Variants in C1QTNF3 observed in about 807,000 individuals in gnomAD.
The protein encoded by C1QTNF3 is complement C1q tumor necrosis factor-related protein 3.
Under a neutral mutation model 32.6 loss-of-function variants are expected in C1QTNF3, and 26 were observed. The ratio of observed to expected loss-of-function variants is 0.80; its 90% confidence interval spans 0.58 to 1.11. C1QTNF3 has a LOEUF of 1.11. Among genes scored for constraint, C1QTNF3 ranks in the 50% least tolerant of loss-of-function variants. The probability of loss-of-function intolerance (pLI) is 0.00; values close to 1 mark genes in which losing one functional copy is unlikely to be tolerated. For missense variants in C1QTNF3, 362 were observed against 398.2 expected, an observed-to-expected ratio of 0.91 and a Z score of 0.77; for synonymous variants, 155 against 146.0, an observed-to-expected ratio of 1.06 and a Z score of -0.44.
chr5:34,063,785 AT>A, the C1QTNF3 span, among the ~76,000 whole-genome samples: 1 of 152,156 alleles, frequency 6.6e-6, no homozygotes. Context: ...GCTAGAGGAA[AT>A]GAAAATCTGA....
At chr5:34,044,515 C>T (rs1754951141), upstream of C1QTNF3, among the ~76,000 whole-genome samples, 1 of 152,090 alleles carries the variant, frequency 6.6e-6, no homozygotes, top group South Asian at 2.1e-4. Flanking sequence ...GAGCTGTTGA[C>T]AGCTGCCCCC....
chr5:34,177,901 G>A, the C1QTNF3 span, among the ~76,000 whole-genome samples: 2 of 152,008 alleles, frequency 1.3e-5, no homozygotes, highest in Non-Finnish European at 2.9e-5. Flanking sequence ...AGCATTCCAG[G>A]TGTGAGCCAC....
the C1QTNF3 span, among the ~76,000 whole-genome samples, chr5:34,141,544 T>C: frequency 4.2e-3 from 647 of 152,330 alleles, 5 homozygotes; most frequent in African/African-American, 0.015. Context: ...CTATCTCTTA[T>C]CTTTTTTGAT....
chr5:34,051,746 G>C, the C1QTNF3 span, among the ~76,000 whole-genome samples: 40 of 152,232 alleles, frequency 2.6e-4, no homozygotes, highest in Non-Finnish European at 4.7e-4. Context: ...CCACGTCCTA[G>C]ACATTTTTCC....
the C1QTNF3 span, chr5:34,166,418 AAAAAAAC>A: frequency 3.9e-5 from 6 of 152,276 alleles, no homozygotes; most frequent in African/African-American, 1.4e-4. Flanking sequence ...GGAAATGGAA[AAAAAAAC>A]AAAAAACAAA....
chr5:34,184,731 A>G, the C1QTNF3 span, among the ~76,000 whole-genome samples: 2 of 152,428 alleles, frequency 1.3e-5, no homozygotes, highest in African/African-American at 4.8e-5. Context: ...AAAAAAAAAA[A>G]AAAAAATTTG....
chr5:34,123,171 G>T, the C1QTNF3 span, among the ~76,000 whole-genome samples: 1 of 152,168 alleles, frequency 6.6e-6, no homozygotes, highest in African/African-American at 2.4e-5. Flanking sequence ...CTGCCATGGG[G>T]ACAGGCTATC....
chr5:34,234,192 A>G, the C1QTNF3 span, among the ~76,000 whole-genome samples: 1 of 152,150 alleles, frequency 6.6e-6, no homozygotes, highest in African/African-American at 2.4e-5. Flanking sequence ...GCTTTGTGTC[A>G]TATCTATCTA....
At chr5:34,064,361 G>T in the C1QTNF3 span, among the ~76,000 whole-genome samples, 1 of 152,236 alleles carries the variant, frequency 6.6e-6, no homozygotes, top group African/African-American at 2.4e-5. Flanking sequence ...GATAGGGGTG[G>T]GCTGCTCCCA....
chr5:34,082,206 G>C, the C1QTNF3 span, among the ~76,000 whole-genome samples: 1,868 of 151,472 alleles, frequency 0.012, 17 homozygotes, highest in South Asian at 0.029. Context: ...CATGATTCAA[G>C]GTAACATTCA....
chr5:34,226,181 G>C, the C1QTNF3 span, among the ~76,000 whole-genome samples: 1 of 151,818 alleles, frequency 6.6e-6, no homozygotes, highest in Non-Finnish European at 1.5e-5. Flanking sequence ...AAATTTTCTT[G>C]AGAGAATACC....
the C1QTNF3 span, among the ~76,000 whole-genome samples, chr5:34,071,594 C>A: frequency 1.3e-5 from 2 of 151,890 alleles, no homozygotes; most frequent in African/African-American, 4.8e-5. Flanking sequence ...GAAGATTAGG[C>A]ATATCGTTTT....
intron 3 of C1QTNF3, among the ~76,000 whole-genome samples, chr5:34,030,988 G>A (rs1216347191): frequency 1.3e-5 from 2 of 152,082 alleles, no homozygotes; most frequent in East Asian, 3.9e-4. Context: ...TGGGTACTAG[G>A]CTTAATATCT....
the C1QTNF3 span, among the ~76,000 whole-genome samples, chr5:34,053,131 A>G: frequency 6.6e-6 from 1 of 152,218 alleles, no homozygotes; most frequent in Non-Finnish European, 1.5e-5. Context: ...AATCCTTATA[A>G]AACCTTGAGT....
At chr5:34,088,087 T>A in the C1QTNF3 span, among the ~76,000 whole-genome samples, 3 of 152,286 alleles carry the variant, frequency 2.0e-5, no homozygotes, top group African/African-American at 7.2e-5. Context: ...CTAAATAGTT[T>A]GTGTTAAATA....
chr5:34,147,686 G>C, the C1QTNF3 span, among the ~76,000 whole-genome samples: 14 of 151,994 alleles, frequency 9.2e-5, no homozygotes, highest in Non-Finnish European at 1.5e-4. Context: ...AAAAAGAGTG[G>C]TGTGAATTGA....
intron 3 of C1QTNF3, among the ~76,000 whole-genome samples, chr5:34,030,941 A>G (rs541430176): frequency 2.6e-4 from 40 of 152,268 alleles, no homozygotes; most frequent in Non-Finnish European, 4.1e-4. Context: ...GGAGGATGGA[A>G]GGTGGGAGGA....
the C1QTNF3 span, among the ~76,000 whole-genome samples, chr5:34,076,320 ATCATT>A: frequency 5.3e-5 from 8 of 151,652 alleles, no homozygotes; most frequent in Admixed American, 3.9e-4. Context: ...AATTTTAATG[ATCATT>A]TAGAAAATAC....
chr5:34,144,677 TA>T, the C1QTNF3 span, among the ~76,000 whole-genome samples: 1 of 152,198 alleles, frequency 6.6e-6, no homozygotes, highest in South Asian at 2.1e-4. Context: ...TACTCCTGAA[TA>T]ACTCTTCAGA....
Sources: gnomAD v4.1 joint callset for allele counts (sites outside exome capture counted in the v4.1 genomes callset) on GRCh38, gnomAD v4.1.1 for gene constraint, MANE v1.5 for transcripts, NCBI Gene and HGNC (gene_info 2026-07-23, HGNC 2026-07-21) for gene names.